Variants in CLPTM1L observed in about 807,000 individuals in gnomAD.
CLPTM1L encodes CLPTM1 like.
In CLPTM1L, 38 loss-of-function variants were observed where a neutral mutation model predicts 70.9. The observed-to-expected ratio is 0.54, with a 90% CI of 0.41 to 0.70. The LOEUF (loss-of-function observed/expected upper bound fraction) is 0.70, where lower values mean the gene tolerates loss of function less well. Among genes scored for constraint, CLPTM1L ranks in the 30% least tolerant of loss-of-function variants. The pLI, the probability that CLPTM1L is intolerant of heterozygous loss-of-function variation, is 0.00. For missense variants in CLPTM1L, 652 were observed against 705.9 expected, an observed-to-expected ratio of 0.92 and a Z score of 0.87; for synonymous variants, 339 against 299.9, an observed-to-expected ratio of 1.13 and a Z score of -1.35.
intron 7 of CLPTM1L, among the ~76,000 whole-genome samples, chr5:1,333,697 C>CTGAGGAT (rs1753339256): frequency 1.1e-3 from 45 of 40,310 alleles, no homozygotes; most frequent in Admixed American, 2.9e-3. Context: ...AGACACACCG[C>CTGAGGAT]AAGAGGATAA....
At chr5:1,328,479 CCATCCAGCTCCTCCTCTACAGACACATTT>C in intron 9 of CLPTM1L, among the ~76,000 whole-genome samples, 1 of 125,758 alleles carries the variant, frequency 8.0e-6, no homozygotes. Flanking sequence ...CAGACACATT[CCATCCAGCTCCTCCTCTACAGACACATTT>C]CATCCAGCTC....
intron 4 of CLPTM1L, chr5:1,338,238 C>T (rs547800719): frequency 1.8e-5 from 10 of 557,364 alleles, no homozygotes; most frequent in Admixed American, 6.1e-5. Context: ...CCACTAGGAG[C>T]GGGGGAATTA....
intron 11 of CLPTM1L, 126 bp downstream of exon 11, chr5:1,324,637 C>T: frequency 1.1e-6 from 1 of 943,020 alleles, no homozygotes. Flanking sequence ...CTTGGGATCC[C>T]TGCTCAAGGC....
rs555554731 is a variant in CLPTM1L, at chr5:1,331,850, T to C, written c.925A>G (p.Ile309Val). 2.5e-6 allele frequency: 4 copies of C among 1,613,422 alleles called. No individual in the cohort carries two copies. Among genetic ancestry groups the C allele is most frequent in the Non-Finnish European group, 3.4e-6 (4 of 1,179,976 alleles). Residue 309 changes from isoleucine (I) to valine (V), a missense_variant, in exon 8 of 17, where the codon ATC becomes GTC. Ile to Val is a conservative substitution (Grantham distance 29). This residue lies in a region of CLPTM1L where 402 missense variants were observed against 388.2 expected (regional missense o/e 1.04). Transcript: ENST00000320895. Reference sequence around the variant, plus strand: ...CTCTTCTTCTTCTTCCAGAAACTGATGTCATTTTTAAAGGCCAGGAAATCA... The same window carrying C: ...CTCTTCTTCTTCTTCCAGAAACTGACGTCATTTTTAAAGGCCAGGAAATCA... ...LFDFLAFKND[I>V]SFWKKKKSMI... is the part of the protein sequence containing the mutation.
At chr5:1,343,468 G>A (rs1170439581) in intron 2 of CLPTM1L, among the ~76,000 whole-genome samples, 2 of 152,206 alleles carry the variant, frequency 1.3e-5, no homozygotes, top group African/African-American at 2.4e-5. Flanking sequence ...ACTGGTACAC[G>A]GCCCGGCACG....
At chr5:1,333,569 T>C (rs111372361) in intron 7 of CLPTM1L, among the ~76,000 whole-genome samples, 216 of 134,076 alleles carry the variant, frequency 1.6e-3, no homozygotes, top group South Asian at 2.9e-3. Context: ...CGGATGAGGA[T>C]AAGGGGAGAC....
chr5:1,341,579 A>T, intron 3 of CLPTM1L, 92 bp downstream of exon 3: 1 of 1,105,020 alleles, frequency 9.0e-7, no homozygotes. Context: ...AAGTCACTGG[A>T]GCCCTAGACA....
At chr5:1,339,891 G>A (rs1753832823) in intron 3 of CLPTM1L, among the ~76,000 whole-genome samples, 1 of 147,012 alleles carries the variant, frequency 6.8e-6, no homozygotes, top group Non-Finnish European at 1.5e-5. Flanking sequence ...ACTGTGCCCG[G>A]GACAGCAGGG....
intron 9 of CLPTM1L, chr5:1,326,064 A>T: frequency 1.9e-6 from 1 of 522,342 alleles, no homozygotes; most frequent in Non-Finnish European, 3.4e-6. Flanking sequence ...CAAAAACAGC[A>T]TGTGAGGGCA....
At chr5:1,344,157 A>G (rs1199897854) in intron 2 of CLPTM1L, among the ~76,000 whole-genome samples, 194 bp downstream of exon 2, 2 of 152,238 alleles carry the variant, frequency 1.3e-5, no homozygotes, top group African/African-American at 4.8e-5. Context: ...AACGACATTC[A>G]TCACCTGTCA....
chr5:1,324,034 G>A lies in CLPTM1L; in HGVS notation c.1198-165C>T, dbSNP rs1051513995. The A allele has an allele frequency of 1.6e-4, 99 of 621,906 alleles. 1 individual carries two copies. The South Asian group carries it at 1.6e-3, about 10-fold the overall frequency. The allele number at this position is 621,906 out of a possible 1,614,324, so 38.5% of individuals were successfully genotyped here. ...GCGTGAGGGGCACAGGCAGGGCATCGCACACTCGCCACAGCCCCAGGAGGC... is the reference window on the plus strand; with the variant it reads ...GCGTGAGGGGCACAGGCAGGGCATCACACACTCGCCACAGCCCCAGGAGGC... On this transcript the variant is annotated intron_variant, in intron 11 of 16. Coordinates refer to ENST00000320895, the MANE Select transcript of CLPTM1L (RefSeq NM_030782.5).
chr5:1,336,105 G>A (rs982091239), intron 5 of CLPTM1L, among the ~76,000 whole-genome samples: 1 of 152,212 alleles, frequency 6.6e-6, no homozygotes, highest in African/African-American at 2.4e-5. Flanking sequence ...GGCGCCCCAC[G>A]TAGCCAAGTG....
At chr5:1,334,460 T>A (rs1753424608) in intron 6 of CLPTM1L, 77 bp from the exon 7 acceptor site, 1 of 1,104,010 alleles carries the variant, frequency 9.1e-7, no homozygotes, top group Non-Finnish European at 1.3e-6. Flanking sequence ...CAGTTTTCAA[T>A]ATAAAAATTT....
chr5:1,333,223 G>GATGAA (rs1753256512), intron 7 of CLPTM1L, among the ~76,000 whole-genome samples: 1 of 44,502 alleles, frequency 2.2e-5, no homozygotes, highest in African/African-American at 1.6e-4. Flanking sequence ...TAGACACACC[G>GATGAA]GATAAGGGGG....
intron 8 of CLPTM1L, chr5:1,330,951 A>G (rs916648514): frequency 2.0e-5 from 3 of 152,982 alleles, no homozygotes; most frequent in African/African-American, 7.2e-5. Context: ...AACAACGCAG[A>G]ACACGGCACG....
At chr5:1,332,818 T>C (rs971210150) in intron 7 of CLPTM1L, among the ~76,000 whole-genome samples, 2 of 152,228 alleles carry the variant, frequency 1.3e-5, no homozygotes, top group African/African-American at 2.4e-5. Context: ...CATTACATAA[T>C]ACATATATTC....
At position 1,344,845 on chromosome 5, in the gene CLPTM1L, G is replaced by C; in HGVS notation, c.-4C>G. 3 of 1,482,738 alleles carry C rather than the reference G, an allele frequency of 2.0e-6. No homozygotes were observed. Among genetic ancestry groups the C allele is most frequent in the African/African-American group, 2.9e-5 (2 of 68,208 alleles). 91.8% of individuals were successfully genotyped at this position (1,482,738 alleles called of 1,614,324 possible). ...AGGAGCTGCGGCCGCTCCACATGGC[G>C]GCCCCGCGCCCGGCGCCCCCGGCCC... On this transcript the variant is annotated 5_prime_UTR_variant, in exon 1 of 17. Coordinates refer to ENST00000320895, the MANE Select transcript of CLPTM1L (RefSeq NM_030782.5).
intron 9 of CLPTM1L, among the ~76,000 whole-genome samples, chr5:1,329,768 ACT>A (rs1326389656): frequency 1.1e-5 from 1 of 93,248 alleles, no homozygotes; most frequent in Non-Finnish European, 2.0e-5. Context: ...GGGCCTCAGG[ACT>A]CTCTGCCTGG....
Position 1,335,152 on chromosome 5 carries a change from T to G in CLPTM1L, c.701A>C (p.Glu234Ala), listed in dbSNP as rs1753489596. 1 of 1,613,670 alleles carries G rather than the reference T, an allele frequency of 6.2e-7. No individual in the cohort carries two copies. The highest frequency in any genetic ancestry group is 2.2e-5 in the East Asian group (1 of 44,878). The part of the protein sequence containing the change: ...DLMVINRSTT[E>A]LPLTVSYDKV... ...GTCGTAGGACACGGTGAGGGGCAGC[T>G]CGGTGGTGGAGCGGTTTATGACCTG... Residue 234 changes from glutamate (E) to alanine (A), a missense_variant, in exon 6 of 17, where the codon GAG becomes GCG. By Grantham distance (107) the Glu-to-Ala change is moderately radical. Transcript: ENST00000320895.
Sources: gnomAD v4.1 joint callset for allele counts (sites outside exome capture counted in the v4.1 genomes callset) on GRCh38, gnomAD v4.1.1 for gene constraint, gnomAD v4.1.1 regional missense constraint, MANE v1.5 for transcripts, NCBI Gene and HGNC (gene_info 2026-07-23, HGNC 2026-07-21) for gene names.